Variants in KCNJ3 observed in about 807,000 individuals in gnomAD.
KCNJ3 encodes the protein G protein-activated inward rectifier potassium channel 1.
Under a neutral mutation model 39.2 loss-of-function variants are expected in KCNJ3, and 4 were observed. That is an observed-to-expected ratio of 0.10 (90% CI 0.05 to 0.23). KCNJ3 has a LOEUF of 0.23. KCNJ3 is among the 10% of genes least tolerant of loss of function. KCNJ3 has a pLI of 1.00. For synonymous variants in KCNJ3, 230 were observed against 237.4 expected, an observed-to-expected ratio of 0.97 and a Z score of 0.29; for missense variants, 276 against 634.9, an observed-to-expected ratio of 0.43 and a Z score of 6.08.
chr2:154,790,469 C>T (rs985761309), intron 2 of KCNJ3, among the ~76,000 whole-genome samples: 10 of 152,034 alleles, frequency 6.6e-5, no homozygotes, highest in Non-Finnish European at 1.5e-4. Flanking sequence ...TGCCCTTGAA[C>T]TCATCTGAGG....
intron 1 of KCNJ3, among the ~76,000 whole-genome samples, chr2:154,704,342 A>G (rs1305328168): frequency 6.6e-6 from 1 of 152,108 alleles, no homozygotes; most frequent in Non-Finnish European, 1.5e-5. Flanking sequence ...AGTAGGAGGA[A>G]ATGTGCAAGT....
At chr2:154,812,703 G>A (rs527552647) in intron 2 of KCNJ3, among the ~76,000 whole-genome samples, 2 of 152,058 alleles carry the variant, frequency 1.3e-5, no homozygotes, top group Non-Finnish European at 2.9e-5. Context: ...TACAGGTGCA[G>A]TATAATATTG....
chr2:154,855,731 C>CTG lies in KCNJ3; in HGVS notation c.*432_*433dup, dbSNP rs552120206. On this transcript the variant is annotated 3_prime_UTR_variant, in exon 3 of 3. Transcript: ENST00000295101. Reference sequence around the variant, plus strand: ...CAGGGCGATAAAACTAAATATATGTCTGTGTGTGTGTGTGTATGTATACAC... The same window carrying CTG: ...CAGGGCGATAAAACTAAATATATGTCTGTGTGTGTGTGTGTGTATGTATACAC... The CTG allele has an allele frequency of 5.0e-3, 775 of 155,818 alleles. 3 individuals are homozygous for CTG. Among genetic ancestry groups the CTG allele is most frequent in the Non-Finnish European group, 8.3e-3 (584 of 70,268 alleles). The allele number at this position is 155,818 out of a possible 1,614,324, so 9.7% of individuals were successfully genotyped here.
intron 2 of KCNJ3, among the ~76,000 whole-genome samples, chr2:154,831,824 T>A (rs968457751): frequency 6.6e-6 from 1 of 152,168 alleles, no homozygotes. Flanking sequence ...AGTCCATTTG[T>A]GTTACTATAA....
intron 2 of KCNJ3, among the ~76,000 whole-genome samples, chr2:154,830,423 A>G (rs989721135): frequency 6.6e-6 from 1 of 152,152 alleles, no homozygotes; most frequent in East Asian, 1.9e-4. Context: ...TTAAAACTGT[A>G]TTTTAAAATC....
chr2:154,793,643 A>C (rs2105211925), intron 2 of KCNJ3, among the ~76,000 whole-genome samples: 1 of 152,174 alleles, frequency 6.6e-6, no homozygotes, highest in South Asian at 2.1e-4. Context: ...AAACACAAAC[A>C]CTTCTAAAAT....
At chr2:154,736,385 A>T in intron 2 of KCNJ3, among the ~76,000 whole-genome samples, 1 of 35,664 alleles carries the variant, frequency 2.8e-5, no homozygotes, top group Non-Finnish European at 6.0e-5. Flanking sequence ...AAAAAAAAAA[A>T]AAAAAAAAAA....
At position 154,806,199 on chromosome 2, in the gene KCNJ3, T is replaced by A. The variant is rs576799540; in HGVS notation, c.920-48528T>A. 2.0e-5 allele frequency among the ~76,000 whole-genome samples: 3 copies of A among 152,296 alleles called. No individual in the cohort carries two copies. The South Asian group carries it at 6.2e-4, about 32-fold the overall frequency. ...CAGCCTTCCTCCATTACATGAATACTGACAGAAGACACAAGACTCTTGGGT... is the reference window on the plus strand; with the variant it reads ...CAGCCTTCCTCCATTACATGAATACAGACAGAAGACACAAGACTCTTGGGT... On this transcript the variant is annotated intron_variant, in intron 2 of 2. Transcript: ENST00000295101.
chr2:154,701,006 A>C (rs926370572), intron 1 of KCNJ3, among the ~76,000 whole-genome samples: 3 of 152,204 alleles, frequency 2.0e-5, no homozygotes, highest in Non-Finnish European at 2.9e-5. Flanking sequence ...AATGAACTGC[A>C]TACAATTTTT....
At chr2:154,759,447 CAT>C (rs1685999026) in intron 2 of KCNJ3, among the ~76,000 whole-genome samples, 1 of 151,352 alleles carries the variant, frequency 6.6e-6, no homozygotes, top group East Asian at 1.9e-4. Context: ...ATATTTCAAA[CAT>C]ATAGGTAAGA....
Position 154,855,214 on chromosome 2 carries a change from T to C in KCNJ3, c.1407T>C (p.Asp469=). The change falls in exon 3 of 3, where the codon GAT becomes GAC. Residue 469 remains aspartate, a synonymous_variant. Transcript: ENST00000295101. ...ATCCCATGAGCCAGTCTGTGGCTGA[T>C]TTGCCACCAAAGCTTCAAAAGATGG... ...LSDPMSQSVA[D]LPPKLQKMAG... 1 of 1,613,742 alleles carries C rather than the reference T, an allele frequency of 6.2e-7. No homozygotes were observed. Among genetic ancestry groups the C allele is most frequent in the Non-Finnish European group, 8.5e-7 (1 of 1,179,922 alleles).
intron 2 of KCNJ3, among the ~76,000 whole-genome samples, chr2:154,719,740 A>G (rs1366354097): frequency 6.6e-6 from 1 of 152,180 alleles, no homozygotes; most frequent in African/African-American, 2.4e-5. Context: ...GCTGTTAGTC[A>G]TTTAAACTAT....
chr2:154,721,776 T>C (rs537968556), intron 2 of KCNJ3, among the ~76,000 whole-genome samples: 4 of 152,256 alleles, frequency 2.6e-5, no homozygotes, highest in African/African-American at 9.6e-5. Flanking sequence ...GTTAAAACCC[T>C]CTATTTTACA....
intron 2 of KCNJ3, among the ~76,000 whole-genome samples, chr2:154,794,487 G>A (rs1476780252): frequency 6.6e-6 from 1 of 151,968 alleles, no homozygotes; most frequent in Non-Finnish European, 1.5e-5. Flanking sequence ...TTTGAGGTTG[G>A]TGCTTGTTCC....
chr2:154,832,052 C>T (rs897864699), intron 2 of KCNJ3, among the ~76,000 whole-genome samples: 1 of 151,944 alleles, frequency 6.6e-6, no homozygotes, highest in Admixed American at 6.6e-5. Context: ...GCTCTTTGTA[C>T]CAGCTGTCTT....
chr2:154,719,401 G>A (rs771153797), intron 2 of KCNJ3, among the ~76,000 whole-genome samples: 3 of 152,082 alleles, frequency 2.0e-5, no homozygotes, highest in African/African-American at 4.8e-5. Context: ...AGACTGTGCC[G>A]ATCAATGTAG....
At chr2:154,777,042 G>GCACACACACA (rs34640641) in intron 2 of KCNJ3, among the ~76,000 whole-genome samples, 1 of 150,126 alleles carries the variant, frequency 6.7e-6, no homozygotes, top group Non-Finnish European at 1.5e-5. Flanking sequence ...ACGTACACAC[G>GCACACACACA]CACACACACA....
At chr2:154,807,099 A>G (rs80181014) in intron 2 of KCNJ3, among the ~76,000 whole-genome samples, 5,486 of 152,270 alleles carry the variant, frequency 0.036, 145 homozygotes, top group Middle Eastern at 0.061. Flanking sequence ...TATCAGTTAT[A>G]AAGATAACCA....
At chr2:154,841,822 C>CTCTT (rs1179532452) in intron 2 of KCNJ3, among the ~76,000 whole-genome samples, 1 of 151,810 alleles carries the variant, frequency 6.6e-6, no homozygotes, top group Non-Finnish European at 1.5e-5. Context: ...TGATTCTTCT[C>CTCTT]TCTTTTCTTC....
Sources: gnomAD v4.1 joint callset for allele counts (sites outside exome capture counted in the v4.1 genomes callset) on GRCh38, gnomAD v4.1.1 for gene constraint, MANE v1.5 for transcripts, NCBI Gene and HGNC (gene_info 2026-07-23, HGNC 2026-07-21) for gene names.